LRRTM3: variants seen among roughly 807,000 people sequenced by gnomAD.
LRRTM3 encodes leucine rich repeat transmembrane neuronal 3, also known as leucine-rich repeat transmembrane neuronal protein 3.
LRRTM3 carries 24 observed loss-of-function variants against 44.7 expected under a neutral mutation model. That is an observed-to-expected ratio of 0.54 (90% CI 0.39 to 0.76). The LOEUF is 0.76. Among genes scored for constraint, LRRTM3 ranks in the 30% least tolerant of loss-of-function variants. The pLI, the probability that LRRTM3 is intolerant of heterozygous loss-of-function variation, is 0.00. For missense variants in LRRTM3, 587 were observed against 702.2 expected, an observed-to-expected ratio of 0.84 and a Z score of 1.85; for synonymous variants, 277 against 278.7, an observed-to-expected ratio of 0.99 and a Z score of 0.06.
chr10:66,977,144 A>C lies in LRRTM3; in HGVS notation c.1536+48692A>C, dbSNP rs928086347. Among the ~76,000 whole-genome samples the C allele has an allele frequency of 5.3e-5, 8 of 152,256 alleles. No individual in the cohort carries two copies. In the East Asian group the frequency reaches 9.6e-4, roughly 18 times the overall value. On this transcript the variant is annotated intron_variant, in intron 2 of 2. Transcript: ENST00000361320. ...GTTTAAAGGACCTATAATGGGTAGA[A>C]TATATAAAGGTTGGCCGGGCACGGT... is the stretch of plus-strand genomic sequence containing the variant.
intron 2 of LRRTM3, among the ~76,000 whole-genome samples, chr10:67,058,015 A>C (rs1855543829): frequency 1.3e-5 from 2 of 152,162 alleles, no homozygotes; most frequent in Admixed American, 1.3e-4. Context: ...AAAGTTCCCC[A>C]CATCATAGAC....
chr10:66,933,900 C>T (rs1195256100), intron 2 of LRRTM3, among the ~76,000 whole-genome samples: 1 of 152,176 alleles, frequency 6.6e-6, no homozygotes, highest in East Asian at 1.9e-4. Flanking sequence ...CAGACTGTTC[C>T]TCTTTGACAG....
rs141575651 is a variant in LRRTM3 at position 66,951,914 on chromosome 10, C to G, written c.1536+23462C>G. ...AGTCCAGCCCTAAAATAACAGTGAA[C>G]CTTCATCTTTAATGGACATAAGACC... On this transcript the variant is annotated intron_variant, in intron 2 of 2. Coordinates refer to ENST00000361320, the MANE Select transcript of LRRTM3 (RefSeq NM_178011.5). Among the ~76,000 whole-genome samples the G allele has an allele frequency of 2.6e-3, 398 of 152,236 alleles. 4 individuals are homozygous for G. The highest frequency in any genetic ancestry group is 9.4e-3 in the African/African-American group (390 of 41,548).
intron 2 of LRRTM3, among the ~76,000 whole-genome samples, chr10:67,004,330 A>G (rs1478137189): frequency 6.6e-6 from 1 of 152,204 alleles, no homozygotes; most frequent in Admixed American, 6.5e-5. Context: ...CAAGCCACCT[A>G]TCAATATTCA....
chr10:67,025,993 T>C (rs1269217703), intron 2 of LRRTM3, among the ~76,000 whole-genome samples: 2 of 150,234 alleles, frequency 1.3e-5, no homozygotes, highest in South Asian at 2.1e-4. Flanking sequence ...TCATTCTCAG[T>C]AAACTATCGC....
chr10:67,018,014 T>C (rs1852769371), intron 2 of LRRTM3, among the ~76,000 whole-genome samples: 1 of 152,096 alleles, frequency 6.6e-6, no homozygotes, highest in African/African-American at 2.4e-5. Flanking sequence ...TCAAGTGATC[T>C]GCCCACCTTG....
intron 2 of LRRTM3, among the ~76,000 whole-genome samples, chr10:66,967,671 A>T (rs1564800925): frequency 6.6e-6 from 1 of 152,114 alleles, no homozygotes; most frequent in Non-Finnish European, 1.5e-5. Context: ...ACATTTATTA[A>T]GAATTTTTAA....
chr10:67,059,214 G>C (rs1337064868), intron 2 of LRRTM3, among the ~76,000 whole-genome samples: 1 of 152,104 alleles, frequency 6.6e-6, no homozygotes, highest in Admixed American at 6.6e-5. Flanking sequence ...CACATTATAA[G>C]ATTAATGAGC....
intron 2 of LRRTM3, among the ~76,000 whole-genome samples, chr10:67,063,136 C>T (rs1426942651): frequency 6.6e-6 from 1 of 152,076 alleles, no homozygotes. Context: ...TATCAGACTA[C>T]CAGGAAAACA....
intron 2 of LRRTM3, among the ~76,000 whole-genome samples, chr10:66,972,384 G>C (rs1227035420): frequency 6.6e-6 from 1 of 152,036 alleles, no homozygotes; most frequent in East Asian, 1.9e-4. Flanking sequence ...TCAAACTACT[G>C]GGCTCAAGCA....
intron 2 of LRRTM3, among the ~76,000 whole-genome samples, chr10:66,978,067 T>C (rs12251030): frequency 1.8e-5 from 2 of 114,012 alleles, no homozygotes; most frequent in African/African-American, 5.7e-5. Context: ...TATATATATA[T>C]ACACACACAC....
intron 2 of LRRTM3, among the ~76,000 whole-genome samples, chr10:67,069,016 T>C (rs1856268837): frequency 1.3e-5 from 2 of 151,654 alleles, no homozygotes; most frequent in Admixed American, 1.3e-4. Context: ...AGATCACCAC[T>C]GAACTCCACT....
chr10:66,933,643 A>G (rs1182612830), intron 2 of LRRTM3, among the ~76,000 whole-genome samples: 1 of 152,192 alleles, frequency 6.6e-6, no homozygotes, highest in Non-Finnish European at 1.5e-5. Context: ...CCAGTGGAAG[A>G]CTGTGCCCAA....
intron 2 of LRRTM3, among the ~76,000 whole-genome samples, chr10:66,975,233 T>C (rs1189653708): frequency 6.6e-6 from 1 of 152,198 alleles, no homozygotes; most frequent in Non-Finnish European, 1.5e-5. Context: ...ACTTAGAAAA[T>C]ATACAGCTCT....
rs552233517 is a variant in LRRTM3, at chr10:67,073,263, G to A, written c.1537-24324G>A. Among the ~76,000 whole-genome samples the A allele has an allele frequency of 3.5e-3, 540 of 152,220 alleles. 4 individuals carry two copies. Among genetic ancestry groups the A allele is most frequent in the Non-Finnish European group, 4.4e-3 (300 of 68,028 alleles). On this transcript the variant is annotated intron_variant, in intron 2 of 2. Transcript: ENST00000361320. ...AAAGCTATTACATTTTAATAGCTCTGATTAGTTTTTAAAACTCTATTGACA... is the reference window on the plus strand; with the variant it reads ...AAAGCTATTACATTTTAATAGCTCTAATTAGTTTTTAAAACTCTATTGACA...
chr10:67,093,049 C>T (rs1025055114), intron 2 of LRRTM3, among the ~76,000 whole-genome samples: 4 of 151,876 alleles, frequency 2.6e-5, no homozygotes, highest in Admixed American at 6.6e-5. Context: ...TCTTGGAAAA[C>T]GGTGATTTAG....
intron 2 of LRRTM3, among the ~76,000 whole-genome samples, chr10:67,044,330 C>T (rs142432728): frequency 1.3e-5 from 2 of 152,142 alleles, no homozygotes; most frequent in East Asian, 1.9e-4. Context: ...ATTTCCAAAA[C>T]GTTTAAAGTT....
At chr10:67,052,833 C>G (rs182434351) in intron 2 of LRRTM3, 1 of 151,550 alleles carries the variant, frequency 6.6e-6, no homozygotes, top group East Asian at 1.9e-4. Flanking sequence ...TGAATGAAAA[C>G]AAAAAACAAA....
At chr10:66,962,647 G>A (rs188188810) in intron 2 of LRRTM3, among the ~76,000 whole-genome samples, 21 of 151,942 alleles carry the variant, frequency 1.4e-4, no homozygotes, top group East Asian at 3.9e-4. Flanking sequence ...TCCTGATCTC[G>A]TGATCTGCCT....
Sources: gnomAD v4.1 joint callset for allele counts (sites outside exome capture counted in the v4.1 genomes callset) on GRCh38, gnomAD v4.1.1 for gene constraint, MANE v1.5 for transcripts, NCBI Gene and HGNC (gene_info 2026-07-23, HGNC 2026-07-21) for gene names.